Variants in COL6A2 observed in about 807,000 individuals in gnomAD.
COL6A2 encodes the protein collagen type VI alpha 2 chain.
In COL6A2, 90 loss-of-function variants were observed where a neutral mutation model predicts 124.9. The ratio of observed to expected loss-of-function variants is 0.72; its 90% CI spans 0.61 to 0.86. COL6A2 has a LOEUF of 0.86. Among genes scored for constraint, COL6A2 ranks in the 40% least tolerant of loss-of-function variants. The probability of loss-of-function intolerance (pLI) is 0.00; values close to 1 mark genes in which losing one functional copy is unlikely to be tolerated. For missense variants in COL6A2, 1,607 were observed against 1,502.5 expected (o/e 1.07, Z -1.15); for synonymous variants, 793 against 618.2 (o/e 1.28, Z -4.19).
At chr21:46,120,075 C>T (rs2077645109) in intron 15 of COL6A2, among the ~76,000 whole-genome samples, 1 of 87,192 alleles carries the variant, frequency 1.1e-5, no homozygotes, top group Non-Finnish European at 2.7e-5. Flanking sequence ...CACAGCTGTG[C>T]AGGCACCATT....
intron 1 of COL6A2, among the ~76,000 whole-genome samples, chr21:46,110,668 C>A (rs537633640): frequency 6.6e-6 from 1 of 152,082 alleles, no homozygotes. Context: ...GAGGAGAGGG[C>A]GGCACTCCAA....
intron 16 of COL6A2, 110 bp from the exon 17 acceptor site, chr21:46,120,951 C>A: frequency 1.9e-6 from 2 of 1,045,290 alleles, no homozygotes; most frequent in Non-Finnish European, 3.0e-6. Context: ...GGGGCCGGGG[C>A]CAGACCCGTC....
rs1026466445 is a variant in COL6A2, at chr21:46,116,244, C to T, written c.901-133C>T. 1.7e-5 allele frequency: 21 copies of T among 1,215,980 alleles called. No homozygotes were observed. Among genetic ancestry groups the T allele is most frequent in the Middle Eastern group, 1.9e-4 (1 of 5,336 alleles). 75.3% of individuals were successfully genotyped at this position (1,215,980 alleles called of 1,614,324 possible). ...GCCCGACCCAGGGCTCAGCCTCCTC[C>T]GCAGACTGTTTGTCGAGAACACTAG... On this transcript the variant is annotated intron_variant, in intron 7 of 27. Transcript: ENST00000300527. This position sits in a 1 kb window ranked among gnomAD's most constrained non-coding sequence, Gnocchi z 4.6.
Position 46,124,674 on chromosome 21 carries a change from G to A in COL6A2, c.1695G>A (p.Glu565=). The A allele has an allele frequency of 2.5e-6, 4 of 1,612,932 alleles. No homozygotes were observed. Among genetic ancestry groups the A allele is most frequent in the Middle Eastern group, 1.7e-4 (1 of 6,058 alleles). ...AGGCGGATCCTGGTCCCCCTGGTGA[G>A]CCAGGCCCTCGGGGGCCAAGAGGAG... The part of the protein sequence containing the change: ...GEPADPGPPG[E]PGPRGPRGVP... Residue 565 remains glutamate (E), a synonymous_variant, in exon 22 of 28, where the codon GAG becomes GAA. Coordinates refer to ENST00000300527, the MANE Select transcript of COL6A2 (RefSeq NM_001849.4).
intron 1 of COL6A2, among the ~76,000 whole-genome samples, chr21:46,110,057 T>G (rs2078378148): frequency 6.6e-6 from 1 of 152,144 alleles, no homozygotes; most frequent in Non-Finnish European, 1.5e-5. Flanking sequence ...GCATGGTACC[T>G]GGCCATGTCC....
chr21:46,122,741 C>CCA (rs397960126), intron 20 of COL6A2, 134 bp from the exon 21 acceptor site: 151 of 966,210 alleles, frequency 1.6e-4, no homozygotes, highest in African/African-American at 2.2e-4. Flanking sequence ...TCAGGCTTTG[C>CCA]AAAAAAACCA....
chr21:46,128,869 A>C (rs756283550), intron 27 of COL6A2: 3 of 1,572,638 alleles, frequency 1.9e-6, no homozygotes, highest in Non-Finnish European at 2.6e-6. Flanking sequence ...CGGCACTGGA[A>C]GCCCTACTGG....
chr21:46,098,433 G>A (rs993727627), intron 1 of COL6A2, among the ~76,000 whole-genome samples: 31 of 133,176 alleles, frequency 2.3e-4, no homozygotes, highest in African/African-American at 8.4e-4. Context: ...GCCTCCTCTG[G>A]GGCGGAGCCG....
chr21:46,100,320 G>A (rs1312385655), intron 1 of COL6A2, among the ~76,000 whole-genome samples: 1 of 151,934 alleles, frequency 6.6e-6, no homozygotes, highest in Non-Finnish European at 1.5e-5. Context: ...GTGTTTGTTT[G>A]TTTGTTTGTT....
At chr21:46,119,936 G>C in intron 15 of COL6A2, 86 bp downstream of exon 15, 2 of 1,195,790 alleles carry the variant, frequency 1.7e-6, no homozygotes, top group Non-Finnish European at 2.4e-6. Flanking sequence ...ATTCCTCCCA[G>C]AGAACAACAG....
intron 3 of COL6A2, 83 bp downstream of exon 3, chr21:46,112,660 CT>C: frequency 6.3e-7 from 1 of 1,592,634 alleles, no homozygotes; most frequent in Admixed American, 1.7e-5. Flanking sequence ...CACTTTACCC[CT>C]CTGTGAGTGC....
chr21:46,124,754 C>T (rs1287448568), intron 22 of COL6A2, 41 bp downstream of exon 22: 1 of 1,605,008 alleles, frequency 6.2e-7, no homozygotes, highest in Non-Finnish European at 8.5e-7. Context: ...CCCCAACCTG[C>T]CAGGCCAACA....
chr21:46,102,836 A>C (rs2078301969), intron 1 of COL6A2, among the ~76,000 whole-genome samples: 2 of 152,042 alleles, frequency 1.3e-5, no homozygotes, highest in South Asian at 4.1e-4. Flanking sequence ...TATTTTGTTT[A>C]GGATTTTTGC....
At chr21:46,122,350 G>A in intron 19 of COL6A2, 146 bp from the exon 20 acceptor site, 1 of 1,289,716 alleles carries the variant, frequency 7.8e-7, no homozygotes, top group Non-Finnish European at 1.1e-6. Context: ...ATCAGGAAAA[G>A]AGCACAGCTC....
Position 46,118,086 on chromosome 21 carries a change from G to A in COL6A2, c.1116+150G>A, listed in dbSNP as rs543344988. 175 of 773,572 alleles carry A rather than the reference G, an allele frequency of 2.3e-4. 1 individual carries two copies. The East Asian group carries it at 4.6e-3, about 20-fold the overall frequency. 47.9% of individuals were successfully genotyped at this position (773,572 alleles called of 1,614,324 possible). On this transcript the variant is annotated intron_variant, in intron 12 of 27. Transcript: ENST00000300527. ...CAATGGCCGTGGGATGTGGTGGAGG[G>A]TGCCCTGCCCGTTGCTTCATCAGCT...
chr21:46,103,678 G>A lies in COL6A2; in HGVS notation c.-28+5505G>A, dbSNP rs1175524060. On this transcript the variant is annotated intron_variant, in intron 1 of 27. Transcript: ENST00000300527. ...CTGATCCTTGGTTATTTAACAGGGTGTTGTTTAATTTCGTGATTTTTTAAA... is the reference window on the plus strand; with the variant it reads ...CTGATCCTTGGTTATTTAACAGGGTATTGTTTAATTTCGTGATTTTTTAAA... Among the ~76,000 whole-genome samples, 5 of 152,282 alleles carry A rather than the reference G, an allele frequency of 3.3e-5. No individual in the cohort carries two copies. The East Asian group carries it at 7.7e-4, about 24-fold the overall frequency.
intron 20 of COL6A2, 99 bp from the exon 21 acceptor site, chr21:46,122,776 C>T (rs557388886): frequency 4.2e-4 from 535 of 1,282,008 alleles, no homozygotes; most frequent in Non-Finnish European, 5.5e-4. Flanking sequence ...TTTAAAGGAC[C>T]CCAAAATGCC....
chr21:46,126,679 G>C (rs1410784707), intron 27 of COL6A2, 138 bp downstream of exon 27: 1 of 1,040,672 alleles, frequency 9.6e-7, no homozygotes, highest in Non-Finnish European at 1.4e-6. Flanking sequence ...CTGCTCCTTA[G>C]GGAGATGGCC....
At chr21:46,126,614 G>A (rs542167561) in intron 27 of COL6A2, 73 bp downstream of exon 27, 108 of 1,588,158 alleles carry the variant, frequency 6.8e-5, no homozygotes, top group Middle Eastern at 1.7e-4. Flanking sequence ...CTCGAGGGCC[G>A]GGCTGGGGGA....
Sources: gnomAD v4.1 joint callset for allele counts (sites outside exome capture counted in the v4.1 genomes callset) on GRCh38, gnomAD v4.1.1 for gene constraint, Gnocchi (gnomAD v3.1) non-coding constraint, MANE v1.5 for transcripts, NCBI Gene and HGNC (gene_info 2026-07-23, HGNC 2026-07-21) for gene names.